Variants in CPD observed in about 807,000 individuals in gnomAD.
CPD encodes carboxypeptidase D, also known as metallocarboxypeptidase D.
Under a neutral mutation model 138.3 loss-of-function variants are expected in CPD, and 69 were observed. That is an observed-to-expected ratio of 0.50 (90% CI 0.41 to 0.61). CPD has a LOEUF of 0.61. Among genes scored for constraint, CPD ranks in the 20% least tolerant of loss-of-function variants. The pLI is 0.00. For missense variants in CPD, 1,432 were observed against 1,733.3 expected (o/e 0.83, Z 3.09); for synonymous variants, 651 against 642.1 (o/e 1.01, Z -0.21).
At chr17:30,429,828 G>C (rs1156656852) in intron 7 of CPD, among the ~76,000 whole-genome samples, 1 of 151,908 alleles carries the variant, frequency 6.6e-6, no homozygotes, top group Non-Finnish European at 1.5e-5. Flanking sequence ...GAAAGATGAG[G>C]GTTATTTTAC....
At chr17:30,423,093 C>G (rs1912311168) in intron 5 of CPD, 70 bp downstream of exon 5, 1 of 1,207,678 alleles carries the variant, frequency 8.3e-7, no homozygotes, top group Non-Finnish European at 1.2e-6. Context: ...TGCTATGTTT[C>G]ATTCAGAAAG....
At chr17:30,411,062 A>G (rs1299972105) in intron 2 of CPD, among the ~76,000 whole-genome samples, 1 of 152,154 alleles carries the variant, frequency 6.6e-6, no homozygotes, top group African/African-American at 2.4e-5. Context: ...GGTGGTGACA[A>G]AATCTCTCAG....
At chr17:30,464,485 TA>T in intron 20 of CPD, 102 bp from the exon 21 acceptor site, 1 of 843,886 alleles carries the variant, frequency 1.2e-6, no homozygotes, top group Non-Finnish European at 1.9e-6. Flanking sequence ...GAAATAGAAA[TA>T]AAATAAATGA....
chr17:30,463,286 A>G (rs1414272385), intron 20 of CPD, among the ~76,000 whole-genome samples: 2 of 152,044 alleles, frequency 1.3e-5, no homozygotes, highest in African/African-American at 2.4e-5. Context: ...TCATAACATT[A>G]TATATTTGTT....
At chr17:30,437,786 G>A (rs1463926578) in intron 8 of CPD, among the ~76,000 whole-genome samples, 1 of 151,822 alleles carries the variant, frequency 6.6e-6, no homozygotes, top group East Asian at 1.9e-4. Flanking sequence ...GAGAGTGATG[G>A]GATGATAAGC....
chr17:30,405,563 C>G (rs751627302), intron 2 of CPD, among the ~76,000 whole-genome samples: 9 of 152,034 alleles, frequency 5.9e-5, no homozygotes, highest in Non-Finnish European at 8.8e-5. Context: ...ATTTTTTCCC[C>G]CATTGGTTTT....
In CPD at chr17:30,379,979, G is replaced by T. The variant is rs9889918; in HGVS notation, c.746+253G>T. 0.081 allele frequency among the ~76,000 whole-genome samples: 12,395 copies of T among 152,234 alleles called. 628 individuals are homozygous for T. The highest frequency in any genetic ancestry group is 0.14 in the African/African-American group (5,771 of 41,536). ...GGGACACTCCTTTCTGACATTTCTG[G>T]TCCCTATTCTTACAGGGGCATAGAA... On this transcript the variant is annotated intron_variant, in intron 1 of 20. Transcript: ENST00000225719. This position sits in a 1 kb window ranked among gnomAD's most constrained non-coding sequence, Gnocchi z 7.0.
chr17:30,462,980 G>A (rs994254196), intron 20 of CPD, among the ~76,000 whole-genome samples: 6 of 152,222 alleles, frequency 3.9e-5, no homozygotes, highest in Admixed American at 1.3e-4. Flanking sequence ...GTTTAAGAAC[G>A]CCTTTAAGCA....
At chr17:30,395,196 CTTTTTTTTTTT>C (rs35079822) in intron 2 of CPD, among the ~76,000 whole-genome samples, 1 of 97,840 alleles carries the variant, frequency 1.0e-5, no homozygotes, top group South Asian at 3.2e-4. Flanking sequence ...CAGATGGGTG[CTTTTTTTTTTT>C]TTTTTTTTTT....
At chr17:30,445,270 G>A (rs60788420) in intron 11 of CPD, among the ~76,000 whole-genome samples, 1 of 152,186 alleles carries the variant, frequency 6.6e-6, no homozygotes, top group East Asian at 1.9e-4. Context: ...TTTGAGACCA[G>A]CCTGGCCAAC....
At chr17:30,389,757 T>TGGGA (rs1911299036) in intron 2 of CPD, among the ~76,000 whole-genome samples, 4 of 152,382 alleles carry the variant, frequency 2.6e-5, no homozygotes, top group African/African-American at 9.6e-5. Flanking sequence ...CTGAAGAAGC[T>TGGGA]ACATTATGCT....
intron 1 of CPD, chr17:30,380,353 T>G (rs1480651261): frequency 5.7e-6 from 3 of 524,806 alleles, no homozygotes; most frequent in Non-Finnish European, 7.9e-6. Flanking sequence ...CTTGCCTATT[T>G]GACAGAAGCT....
chr17:30,458,537 C>T (rs936938098), intron 17 of CPD, among the ~76,000 whole-genome samples: 1 of 150,576 alleles, frequency 6.6e-6, no homozygotes, highest in East Asian at 1.9e-4. Flanking sequence ...CTGCCCACCT[C>T]CCTGCTCCCT....
At chr17:30,404,392 A>G (rs1315114496) in intron 2 of CPD, among the ~76,000 whole-genome samples, 1 of 152,202 alleles carries the variant, frequency 6.6e-6, no homozygotes, top group African/African-American at 2.4e-5. Flanking sequence ...TGCCTTGTAT[A>G]TGCCGTTTTA....
chr17:30,378,953 G>T lies in CPD; in HGVS notation c.-28G>T, dbSNP rs989751472. On this transcript the variant is annotated 5_prime_UTR_variant, in exon 1 of 21. Coordinates refer to ENST00000225719, the MANE Select transcript of CPD (RefSeq NM_001304.5). ...CCCGGAGCGCTGAGCCGCGGGAGCGGAGCCGGGGTTAGCGGCGCTGCTGGA... is the reference window on the plus strand; with the variant it reads ...CCCGGAGCGCTGAGCCGCGGGAGCGTAGCCGGGGTTAGCGGCGCTGCTGGA... The T allele has an allele frequency of 4.1e-6, 6 of 1,458,284 alleles. No individual in the cohort carries two copies. The African/African-American group carries it at 8.9e-5, about 22-fold the overall frequency. 90.3% of individuals were successfully genotyped at this position (1,458,284 alleles called of 1,614,324 possible). A position where few individuals can be genotyped will look rare whatever the true frequency, so the allele number is the denominator to read the frequency against.
At position 30,465,737 on chromosome 17, in the gene CPD, A is replaced by C. The variant is rs1913618324; in HGVS notation, c.*923A>C. On this transcript the variant is annotated 3_prime_UTR_variant, in exon 21 of 21. Coordinates refer to ENST00000225719, the MANE Select transcript of CPD (RefSeq NM_001304.5). ...GTTTTCAGATGACCCAGCCATCTAC[A>C]AGATCTGAATTCTACTGAAAATATC... 6.6e-6 allele frequency: 1 copy of C among 152,640 alleles called. No individual in the cohort carries two copies. 9.5% of individuals were successfully genotyped at this position (152,640 alleles called of 1,614,324 possible).
At chr17:30,415,724 G>A (rs1384527093) in intron 2 of CPD, among the ~76,000 whole-genome samples, 1 of 152,062 alleles carries the variant, frequency 6.6e-6, no homozygotes, top group Admixed American at 6.6e-5. Flanking sequence ...ATTACCAAGA[G>A]GTGGAAGCAA....
Position 30,422,829 on chromosome 17 carries a change from G to A in CPD, c.1463G>A (p.Gly488Glu). The stretch of plus-strand genomic sequence containing the variant: ...GTTGCTATACCTAATATTCTTTCTG[G>A]AACATCATCCTCCTACCAGCCAATT... ...STVAIPNILSGTSSSYQPIQP... is the reference protein window; with the variant it reads ...STVAIPNILSETSSSYQPIQP... The change falls in exon 5 of 21, where the codon GGA becomes GAA. Residue 488 changes from glycine to glutamate, a missense_variant. By Grantham distance (98) the Gly-to-Glu change is moderately conservative (BLOSUM62 -2). Coordinates refer to ENST00000225719, the MANE Select transcript of CPD (RefSeq NM_001304.5). 6.2e-7 allele frequency: 1 copy of A among 1,613,960 alleles called. No homozygotes were observed. The highest frequency in any genetic ancestry group is 8.5e-7 in the Non-Finnish European group (1 of 1,179,960).
intron 2 of CPD, among the ~76,000 whole-genome samples, chr17:30,401,320 C>G (rs996179510): frequency 2.0e-5 from 3 of 151,708 alleles, no homozygotes; most frequent in African/African-American, 7.3e-5. Flanking sequence ...TCCTCTTCCT[C>G]CTCTTCTTCC....
Sources: allele counts gnomAD v4.1 joint callset (sites outside exome capture counted in the v4.1 genomes callset), GRCh38; gene constraint gnomAD v4.1.1; non-coding constraint Gnocchi (gnomAD v3.1); transcripts MANE v1.5; gene names NCBI Gene and HGNC (gene_info 2026-07-23, HGNC 2026-07-21).